The following OR2L13 variants were observed in gnomAD, a reference collection of about 807,000 sequenced individuals.
OR2L13 encodes olfactory receptor family 2 subfamily L member 13.
Under a neutral mutation model 15.3 loss-of-function variants are expected in OR2L13, and 14 were observed. That is an observed-to-expected ratio of 0.91 (90% CI 0.60 to 1.43). The LOEUF (loss-of-function observed/expected upper bound fraction) is 1.43, where lower values mean the gene tolerates loss of function less well. Ranked by LOEUF, OR2L13 falls within the 40% of genes most tolerant of loss-of-function variation. The pLI is 0.00. For synonymous variants in OR2L13, 152 were observed against 142.9 expected (o/e 1.06, Z -0.45); for missense variants, 367 against 387.9 (o/e 0.95, Z 0.45).
At chr1:248,083,961 A>T in the OR2L13 span, 1 of 1,611,688 alleles carries the variant, frequency 6.2e-7, no homozygotes, top group Non-Finnish European at 8.5e-7. Flanking sequence ...GGAGGACAGG[A>T]TGAGGGAAAA....
chr1:247,953,249 C>T, the OR2L13 span, among the ~76,000 whole-genome samples: 1 of 152,082 alleles, frequency 6.6e-6, no homozygotes, highest in South Asian at 2.1e-4. Flanking sequence ...CATTGTGCCT[C>T]GTTTTAGCCA....
the OR2L13 span, among the ~76,000 whole-genome samples, chr1:248,029,680 T>C: frequency 6.6e-6 from 1 of 152,204 alleles, no homozygotes; most frequent in Non-Finnish European, 1.5e-5. Context: ...CGTTCTATTT[T>C]AGTGGCTTAA....
the OR2L13 span, among the ~76,000 whole-genome samples, chr1:248,071,272 T>G: frequency 6.6e-6 from 1 of 152,042 alleles, no homozygotes. Flanking sequence ...AAAAAGCTTA[T>G]CCACCATGAT....
chr1:248,068,274 C>A, the OR2L13 span, among the ~76,000 whole-genome samples: 1 of 152,030 alleles, frequency 6.6e-6, no homozygotes. Flanking sequence ...ACACCTCACA[C>A]GGCCGGGTAC....
the OR2L13 span, among the ~76,000 whole-genome samples, chr1:248,087,897 A>G: frequency 0.081 from 12,334 of 152,200 alleles, 634 homozygotes; most frequent in African/African-American, 0.14. Flanking sequence ...ATCCTTGAAT[A>G]TATGTGACTT....
the OR2L13 span, among the ~76,000 whole-genome samples, chr1:247,967,583 T>G: frequency 6.6e-6 from 1 of 152,184 alleles, no homozygotes; most frequent in African/African-American, 2.4e-5. Context: ...TTGATACTAT[T>G]GATGTTTTTT....
upstream of OR2L13, among the ~76,000 whole-genome samples, chr1:248,094,430 T>C (rs1215215680): frequency 6.6e-6 from 1 of 152,190 alleles, no homozygotes; most frequent in African/African-American, 2.4e-5. Context: ...CAACAGACAC[T>C]ATGTAAACAT....
the OR2L13 span, among the ~76,000 whole-genome samples, chr1:248,046,225 A>C: frequency 9.2e-5 from 14 of 152,212 alleles, no homozygotes; most frequent in Non-Finnish European, 1.9e-4. Context: ...GAGCATTTCC[A>C]AATGAAAGGA....
At chr1:247,970,055 A>G in the OR2L13 span, among the ~76,000 whole-genome samples, 2 of 152,182 alleles carry the variant, frequency 1.3e-5, no homozygotes, top group Admixed American at 1.3e-4. Flanking sequence ...CAGCATTGTA[A>G]TAACCTGCCA....
chr1:248,029,346 TGAA>T, the OR2L13 span: 2 of 152,136 alleles, frequency 1.3e-5, no homozygotes, highest in East Asian at 3.9e-4. Context: ...AAATTAAAAA[TGAA>T]GAAATATTAC....
At chr1:248,052,207 G>A in the OR2L13 span, among the ~76,000 whole-genome samples, 1 of 151,970 alleles carries the variant, frequency 6.6e-6, no homozygotes, top group Non-Finnish European at 1.5e-5. Context: ...TTTCAATATG[G>A]TATAAACATC....
At chr1:248,010,775 T>TG in the OR2L13 span, among the ~76,000 whole-genome samples, 1 of 137,360 alleles carries the variant, frequency 7.3e-6, no homozygotes, top group African/African-American at 2.7e-5. Context: ...TTTTTTTTTT[T>TG]TTTTTTTTTT....
the OR2L13 span, among the ~76,000 whole-genome samples, chr1:247,968,546 C>G: frequency 6.7e-6 from 1 of 148,972 alleles, no homozygotes; most frequent in Admixed American, 6.8e-5. Flanking sequence ...ACCCTGTATC[C>G]AAGTGTTCTC....
At chr1:247,965,266 A>T in the OR2L13 span, 2 of 1,299,680 alleles carry the variant, frequency 1.5e-6, no homozygotes, top group Non-Finnish European at 2.1e-6. Flanking sequence ...CCAAACATGT[A>T]AGTGAATATT....
At chr1:247,953,761 TC>T in the OR2L13 span, among the ~76,000 whole-genome samples, 1 of 152,094 alleles carries the variant, frequency 6.6e-6, no homozygotes, top group African/African-American at 2.4e-5. Context: ...TTCGGTACCC[TC>T]CCTGTAATGG....
chr1:248,090,440 A>T (rs1664569022), upstream of OR2L13, among the ~76,000 whole-genome samples: 1 of 151,832 alleles, frequency 6.6e-6, no homozygotes, highest in Non-Finnish European at 1.5e-5. Context: ...ATTGTCTCTC[A>T]CCTTCCACCC....
upstream of OR2L13, among the ~76,000 whole-genome samples, chr1:248,092,984 T>C (rs1325949708): frequency 6.6e-6 from 1 of 152,122 alleles, no homozygotes; most frequent in Non-Finnish European, 1.5e-5. Flanking sequence ...AAGGAGATGC[T>C]GAGAGGGGCT....
the OR2L13 span, among the ~76,000 whole-genome samples, chr1:248,037,061 T>C: frequency 6.6e-6 from 1 of 152,114 alleles, no homozygotes; most frequent in East Asian, 1.9e-4. Context: ...CTGCATTAAC[T>C]TGAGAATTCA....
the OR2L13 span, among the ~76,000 whole-genome samples, chr1:247,972,042 G>T: frequency 6.6e-6 from 1 of 152,098 alleles, no homozygotes; most frequent in Admixed American, 6.6e-5. Context: ...CGAAATTAAG[G>T]CTTAAATAAA....
Sources: allele counts gnomAD v4.1 joint callset (sites outside exome capture counted in the v4.1 genomes callset), GRCh38; gene constraint gnomAD v4.1.1; transcripts MANE v1.5; gene names NCBI Gene and HGNC (gene_info 2026-07-23, HGNC 2026-07-21).